NRXN1: variants seen among roughly 807,000 people sequenced by gnomAD.
NRXN1 encodes the protein neurexin-1.
NRXN1 carries 39 observed loss-of-function variants against 150.9 expected under a neutral mutation model. That is an observed-to-expected ratio of 0.26 (90% CI 0.20 to 0.34). The LOEUF (loss-of-function observed/expected upper bound fraction) is 0.34, where lower values mean the gene tolerates loss of function less well. Ranked by LOEUF, NRXN1 falls within the 10% of genes least tolerant of loss-of-function variation. The pLI is 1.00. For synonymous variants in NRXN1, 924 were observed against 757.0 expected, an observed-to-expected ratio of 1.22 and a Z score of -3.62; for missense variants, 1,815 against 1,949.9, an observed-to-expected ratio of 0.93 and a Z score of 1.30.
At position 49,982,952 on chromosome 2, in the gene NRXN1, A is replaced by G. The variant is rs72887822; in HGVS notation, c.4129-39161T>C. 1.4e-3 allele frequency among the ~76,000 whole-genome samples: 219 copies of G among 152,280 alleles called. 2 individuals are homozygous for G. Among genetic ancestry groups the G allele is most frequent in the African/African-American group, 4.7e-3 (197 of 41,588 alleles). ...CATTGTCTCAAGCATGCTATGTTCT[A>G]TAACATCTTTACTGGCATGAACATG... On this transcript the variant is annotated intron_variant, in intron 21 of 22. Coordinates refer to ENST00000401669, the MANE Select transcript of NRXN1 (RefSeq NM_001330078.2).
chr2:51,011,865 T>C (rs1667929790), intron 2 of NRXN1, among the ~76,000 whole-genome samples: 1 of 151,974 alleles, frequency 6.6e-6, no homozygotes, highest in Admixed American at 6.6e-5. Flanking sequence ...TGCCTGAGAT[T>C]GGGAAAGTGG....
chr2:50,573,277 C>T (rs1261111451), intron 8 of NRXN1, among the ~76,000 whole-genome samples: 1 of 151,724 alleles, frequency 6.6e-6, no homozygotes, highest in Non-Finnish European at 1.5e-5. Context: ...GCAGAAGGAT[C>T]GCTTGAGCTT....
intron 5 of NRXN1, among the ~76,000 whole-genome samples, chr2:50,871,378 T>C (rs928930055): frequency 2.6e-5 from 4 of 151,932 alleles, no homozygotes; most frequent in Admixed American, 1.3e-4. Context: ...TTATCATTTT[T>C]AATATGGCTT....
Position 50,346,888 on chromosome 2 carries a change from C to T in NRXN1, c.3365-109918G>A. On this transcript the variant is annotated intron_variant, in intron 17 of 22. Transcript: ENST00000401669. This position sits in a 1 kb window ranked among gnomAD's most constrained non-coding sequence, Gnocchi z 5.0. The stretch of plus-strand genomic sequence containing the variant: ...CCCCCCTGCGCCGCCGCCGCCGCCG[C>T]CGCCGCCGCCGCCCCCGGGCGAGCC... The T allele has an allele frequency of 7.6e-7, 1 of 1,315,672 alleles. No individual in the cohort carries two copies. Among genetic ancestry groups the T allele is most frequent in the Non-Finnish European group, 9.7e-7 (1 of 1,033,382 alleles). The allele number at this position is 1,315,672 out of a possible 1,614,324, so 81.5% of individuals were successfully genotyped here.
At chr2:50,874,636 T>G (rs1248477807) in intron 5 of NRXN1, among the ~76,000 whole-genome samples, 2 of 151,836 alleles carry the variant, frequency 1.3e-5, no homozygotes, top group African/African-American at 2.4e-5. Flanking sequence ...TTATTTCATT[T>G]TTTTCTAGCA....
chr2:50,035,009 T>C (rs1173662019), intron 21 of NRXN1, among the ~76,000 whole-genome samples: 2 of 152,146 alleles, frequency 1.3e-5, no homozygotes, highest in South Asian at 2.1e-4. Context: ...TAAAGTCATA[T>C]ACCTTTCTTA....
chr2:50,414,361 CA>C (rs59038130), intron 17 of NRXN1, among the ~76,000 whole-genome samples: 2 of 151,128 alleles, frequency 1.3e-5, no homozygotes, highest in African/African-American at 4.9e-5. Context: ...TATATACTGA[CA>C]AAAAAATTAT....
intron 18 of NRXN1, among the ~76,000 whole-genome samples, chr2:50,173,904 C>G (rs1357669569): frequency 1.3e-5 from 2 of 152,028 alleles, no homozygotes; most frequent in African/African-American, 4.8e-5. Flanking sequence ...ATGGGTAATA[C>G]AGAAGTAAGA....
At chr2:50,330,816 C>T (rs776836053) in intron 17 of NRXN1, among the ~76,000 whole-genome samples, 1 of 152,054 alleles carries the variant, frequency 6.6e-6, no homozygotes, top group East Asian at 1.9e-4. Context: ...GGTTATTCTG[C>T]GTGTGGGCGA....
chr2:50,953,645 C>T (rs192135925), intron 2 of NRXN1, among the ~76,000 whole-genome samples: 10 of 151,780 alleles, frequency 6.6e-5, no homozygotes, highest in South Asian at 6.3e-4. Flanking sequence ...CAACATCTGC[C>T]GCTGCCTCCC....
intron 17 of NRXN1, among the ~76,000 whole-genome samples, chr2:50,242,303 C>A (rs2066075345): frequency 6.6e-6 from 1 of 151,714 alleles, no homozygotes; most frequent in African/African-American, 2.4e-5. Context: ...GCTTAAGGTT[C>A]ATAAAAAGCA....
At chr2:49,984,364 A>G (rs936226657) in intron 21 of NRXN1, among the ~76,000 whole-genome samples, 8 of 152,194 alleles carry the variant, frequency 5.3e-5, no homozygotes, top group African/African-American at 7.2e-5. Context: ...GAATTTTGCT[A>G]ATTTCAAACT....
intron 5 of NRXN1, among the ~76,000 whole-genome samples, chr2:50,816,544 T>G (rs1668966945): frequency 6.6e-6 from 1 of 152,190 alleles, no homozygotes; most frequent in Non-Finnish European, 1.5e-5. Flanking sequence ...GCTGCTCATC[T>G]GGATTTATCT....
intron 12 of NRXN1, among the ~76,000 whole-genome samples, chr2:50,507,824 T>G (rs2092303091): frequency 6.6e-6 from 1 of 151,960 alleles, no homozygotes; most frequent in African/African-American, 2.4e-5. Flanking sequence ...GCTGGTACAT[T>G]AAAATAATGA....
intron 2 of NRXN1, among the ~76,000 whole-genome samples, chr2:50,945,536 A>T (rs1403177265): frequency 7.4e-6 from 1 of 134,822 alleles, no homozygotes; most frequent in Non-Finnish European, 1.6e-5. Flanking sequence ...ATATATATAT[A>T]TGGCTATGTT....
In NRXN1 at chr2:49,945,379, TG is replaced by T. The variant is rs543085779; in HGVS notation, c.4129-1589del. 4.0e-5 allele frequency among the ~76,000 whole-genome samples: 6 copies of T among 151,694 alleles called. No homozygotes were observed. In the South Asian group the frequency reaches 6.2e-4, roughly 16 times the overall value. Reference sequence around the variant, plus strand: ...TTCATTCCTGGTATTTGATAATTTGTGGGGGTTTTCTCTTTTTTTTTTTTTA... The same window carrying T: ...TTCATTCCTGGTATTTGATAATTTGTGGGGTTTTCTCTTTTTTTTTTTTTA... On this transcript the variant is annotated intron_variant, in intron 21 of 22. Coordinates refer to ENST00000401669, the MANE Select transcript of NRXN1 (RefSeq NM_001330078.2).
At chr2:50,981,457 C>CAAAAAAAA (rs70958635) in intron 2 of NRXN1, among the ~76,000 whole-genome samples, 2 of 23,260 alleles carry the variant, frequency 8.6e-5, no homozygotes, top group African/African-American at 1.8e-4. Flanking sequence ...AACTCTATCT[C>CAAAAAAAA]AAAAAAAAAA....
At chr2:50,706,337 C>G (rs1290971574) in intron 5 of NRXN1, among the ~76,000 whole-genome samples, 1 of 152,148 alleles carries the variant, frequency 6.6e-6, no homozygotes, top group Non-Finnish European at 1.5e-5. Context: ...ACGGTTAAGA[C>G]AATAATCACA....
At chr2:50,355,748 T>TAAA (rs1303124332) in intron 17 of NRXN1, among the ~76,000 whole-genome samples, 1 of 152,112 alleles carries the variant, frequency 6.6e-6, no homozygotes, top group Non-Finnish European at 1.5e-5. Context: ...TACAAATACC[T>TAAA]AAAAAAAGAG....
Sources: gnomAD v4.1 joint callset for allele counts (sites outside exome capture counted in the v4.1 genomes callset) on GRCh38, gnomAD v4.1.1 for gene constraint, Gnocchi (gnomAD v3.1) non-coding constraint, MANE v1.5 for transcripts, NCBI Gene and HGNC (gene_info 2026-07-23, HGNC 2026-07-21) for gene names.